Variants in NBEAL1 observed in about 807,000 individuals in gnomAD.
NBEAL1 encodes the protein neurobeachin like 1.
NBEAL1 carries 273 observed loss-of-function variants against 351.3 expected under a neutral mutation model. That is an observed-to-expected ratio of 0.78 (90% CI 0.70 to 0.86). The LOEUF is 0.86. Among genes scored for constraint, NBEAL1 ranks in the 40% least tolerant of loss-of-function variants. The probability of loss-of-function intolerance (pLI) is 0.00; values close to 1 mark genes in which losing one functional copy is unlikely to be tolerated. For missense variants in NBEAL1, 2,961 were observed against 3,201.3 expected (o/e 0.92, Z 1.81); for synonymous variants, 1,050 against 1,086.4 (o/e 0.97, Z 0.66).
intron 27 of NBEAL1, 66 bp from the exon 28 acceptor site, chr2:203,135,611 A>G: frequency 1.1e-6 from 1 of 943,674 alleles, no homozygotes; most frequent in Non-Finnish European, 1.5e-6. Flanking sequence ...ATAACTGAAA[A>G]TATTATTTTT....
At chr2:203,040,552 C>G (rs1195264983) in intron 2 of NBEAL1, 1 of 665,744 alleles carries the variant, frequency 1.5e-6, no homozygotes, top group Middle Eastern at 4.3e-4. Flanking sequence ...GAAGTCTGTG[C>G]GGGAACTCAC....
intron 6 of NBEAL1, among the ~76,000 whole-genome samples, chr2:203,060,349 CA>C (rs1193100859): frequency 6.6e-6 from 1 of 151,586 alleles, no homozygotes; most frequent in East Asian, 1.9e-4. Context: ...ATTATTACAC[CA>C]AAAAAGAGTC....
At chr2:203,164,023 T>A (rs921273205) in intron 36 of NBEAL1, among the ~76,000 whole-genome samples, 1 of 152,098 alleles carries the variant, frequency 6.6e-6, no homozygotes, top group African/African-American at 2.4e-5. Context: ...TTTTTTCAGA[T>A]GTTTTGTGCA....
chr2:203,137,852 T>C (rs768065859), intron 29 of NBEAL1, among the ~76,000 whole-genome samples: 1 of 151,498 alleles, frequency 6.6e-6, no homozygotes, highest in African/African-American at 2.4e-5. Context: ...GGCATGGTGG[T>C]GCATGCCTGT....
In NBEAL1 at chr2:203,151,583, A is replaced by C; in HGVS notation, c.5581A>C (p.Asn1861His). 1 of 1,599,694 alleles carries C rather than the reference A, an allele frequency of 6.3e-7. No individual in the cohort carries two copies. Among genetic ancestry groups the C allele is most frequent in the Non-Finnish European group, 8.5e-7 (1 of 1,175,290 alleles). ...TGAGGAAGCTAGTGCCTTGAGAGATAATCTGGGTGAGTTCCAATGACTGTT... is the reference window on the plus strand; with the variant it reads ...TGAGGAAGCTAGTGCCTTGAGAGATCATCTGGGTGAGTTCCAATGACTGTT... ...THEEASALRDNLGIQHSQPSS... is the reference protein window; with the variant it reads ...THEEASALRDHLGIQHSQPSS... Residue 1861 changes from asparagine to histidine, a missense_variant, in exon 35 of 56, where the codon AAT becomes CAT. Transcript: ENST00000683969.
At chr2:203,198,923 C>T (rs1051471006) in intron 48 of NBEAL1, among the ~76,000 whole-genome samples, 2 of 151,652 alleles carry the variant, frequency 1.3e-5, no homozygotes, top group Admixed American at 1.3e-4. Flanking sequence ...TGTGGTGACT[C>T]ACGCCTGTCA....
At chr2:203,198,007 T>A (rs6718159) in intron 48 of NBEAL1, among the ~76,000 whole-genome samples, 76,897 of 143,456 alleles carry the variant, frequency 0.54, 20,797 homozygotes, top group Middle Eastern at 0.68. Context: ...ATATATATAT[T>A]TTTTTTTCTT....
At chr2:203,105,473 AAAAG>A (rs1345355337) in intron 12 of NBEAL1, among the ~76,000 whole-genome samples, 3 of 152,046 alleles carry the variant, frequency 2.0e-5, no homozygotes, top group Non-Finnish European at 4.4e-5. Flanking sequence ...TCAAAAAAAA[AAAAG>A]AAAGCTGAAT....
intron 55 of NBEAL1, chr2:203,213,918 AC>A: frequency 2.5e-6 from 1 of 397,446 alleles, no homozygotes; most frequent in Non-Finnish European, 3.4e-6. Context: ...TAGATTCAAG[AC>A]CACAACTTAG....
At position 203,107,814 on chromosome 2, in the gene NBEAL1, C is replaced by T. The variant is rs1227156239; in HGVS notation, c.1575C>T (p.Thr525=). Residue 525 remains threonine, a synonymous_variant, in exon 14 of 56, where the codon ACC becomes ACT. Coordinates refer to ENST00000683969, the MANE Select transcript of NBEAL1 (RefSeq NM_001378026.1). ...ACATGGGGATTAGAATCATTGAAAC[C>T]CTTGACTTGCATTCTTCCCTCCATC... The part of the protein sequence containing the change: ...NANMGIRIIE[T]LDLHSSLHQT... 7.1e-6 allele frequency: 11 copies of T among 1,554,298 alleles called. No homozygotes were observed. The highest frequency in any genetic ancestry group is 9.6e-6 in the Non-Finnish European group (11 of 1,147,776).
intron 41 of NBEAL1, among the ~76,000 whole-genome samples, chr2:203,174,416 T>C (rs1364370654): frequency 1.3e-5 from 2 of 152,062 alleles, no homozygotes; most frequent in Admixed American, 6.6e-5. Flanking sequence ...ATGAACAATA[T>C]ATGTAGCACT....
At chr2:203,171,671 G>T (rs1350011484) in intron 39 of NBEAL1, among the ~76,000 whole-genome samples, 2 of 58,500 alleles carry the variant, frequency 3.4e-5, no homozygotes, top group South Asian at 1.8e-3. Context: ...TTGAAGAAAA[G>T]ACAAGGTTTT....
intron 50 of NBEAL1, among the ~76,000 whole-genome samples, 200 bp downstream of exon 50, chr2:203,201,915 T>C (rs1159968415): frequency 1.3e-5 from 2 of 152,158 alleles, no homozygotes; most frequent in Non-Finnish European, 2.9e-5. Flanking sequence ...CCACATAAAT[T>C]AAATACATCT....
intron 42 of NBEAL1, 73 bp downstream of exon 42, chr2:203,175,360 T>C: frequency 6.9e-7 from 1 of 1,459,638 alleles, no homozygotes; most frequent in Non-Finnish European, 9.5e-7. Context: ...TCATGTCATG[T>C]ACTGTGTAAC....
At chr2:203,136,864 C>A in intron 29 of NBEAL1, 90 bp downstream of exon 29, 2 of 1,159,806 alleles carry the variant, frequency 1.7e-6, no homozygotes, top group South Asian at 1.5e-5. Context: ...ATTCAGTATT[C>A]TGTGGATATA....
At chr2:203,213,684 C>T (rs2065849607) in intron 55 of NBEAL1, 31 bp downstream of exon 55, 1 of 1,612,778 alleles carries the variant, frequency 6.2e-7, no homozygotes, top group Non-Finnish European at 8.5e-7. Context: ...TTTCATTTCT[C>T]ATGCTGTTGG....
intron 4 of NBEAL1, among the ~76,000 whole-genome samples, chr2:203,055,898 T>A (rs2106090522): frequency 6.6e-6 from 1 of 152,340 alleles, no homozygotes; most frequent in South Asian, 2.1e-4. Flanking sequence ...TTAGAGTAAG[T>A]AAAGATGCTG....
rs966263388 is a variant in NBEAL1, at chr2:203,097,643, A to G, written c.1185+10A>G. The G allele has an allele frequency of 3.7e-5, 36 of 981,458 alleles. No individual in the cohort carries two copies. The highest frequency in any genetic ancestry group is 4.2e-5 in the Non-Finnish European group (35 of 825,968). 60.8% of individuals were successfully genotyped at this position (981,458 alleles called of 1,614,324 possible). ...AATGAATGAGGACCAGGTATCTACA[A>G]AGCCTGCATCTTGTTTCAGCTGAAG... On this transcript the variant is annotated intron_variant, in intron 11 of 55. Coordinates refer to ENST00000683969, the MANE Select transcript of NBEAL1 (RefSeq NM_001378026.1).
intron 15 of NBEAL1, among the ~76,000 whole-genome samples, chr2:203,111,601 AT>A (rs530178709): frequency 9.6e-4 from 146 of 152,204 alleles, no homozygotes; most frequent in Middle Eastern, 3.4e-3. Context: ...CGAACTCCTG[AT>A]CCGCCCACCT....
Sources: allele counts gnomAD v4.1 joint callset (sites outside exome capture counted in the v4.1 genomes callset), GRCh38; gene constraint gnomAD v4.1.1; transcripts MANE v1.5; gene names NCBI Gene and HGNC (gene_info 2026-07-23, HGNC 2026-07-21).